GREB1: variants seen among roughly 807,000 people sequenced by gnomAD.
GREB1 encodes the protein protein GREB1.
In GREB1, 106 loss-of-function variants were observed where a neutral mutation model predicts 200.7. That is an observed-to-expected ratio of 0.53 (90% confidence interval 0.45 to 0.62). The LOEUF is 0.62. Among genes scored for constraint, GREB1 ranks in the 20% least tolerant of loss-of-function variants. The pLI, the probability that GREB1 is intolerant of heterozygous loss-of-function variation, is 0.00. For missense variants in GREB1, 2,243 were observed against 2,556.8 expected, an observed-to-expected ratio of 0.88 and a Z score of 2.65; for synonymous variants, 1,132 against 1,092.4, an observed-to-expected ratio of 1.04 and a Z score of -0.72.
chr2:11,573,662 G>C (rs1678542845), intron 4 of GREB1, among the ~76,000 whole-genome samples: 1 of 152,228 alleles, frequency 6.6e-6, no homozygotes, highest in Non-Finnish European at 1.5e-5. Context: ...CAGAAGAGCA[G>C]CTGGGTCTCC....
chr2:11,592,905 C>T lies in GREB1; in HGVS notation c.1475C>T (p.Ala492Val), dbSNP rs530709462. ...PPQPFPPAPS[A>V]AAPVTSAQLP... is the part of the protein sequence containing the mutation. ...CAGCCCTTCCCGCCCGCGCCCAGCG[C>T]CGCGGCACCCGTGACCTCCGCGCAG... Residue 492 changes from alanine to valine, a missense_variant, in exon 11 of 33, where the codon GCC becomes GTC. Transcript: ENST00000381486. The T allele has an allele frequency of 1.8e-5, 28 of 1,589,818 alleles. No individual in the cohort carries two copies. The highest frequency in any genetic ancestry group is 2.3e-5 in the Non-Finnish European group (27 of 1,168,426).
At chr2:11,571,964 G>A (rs1419995345) in intron 4 of GREB1, among the ~76,000 whole-genome samples, 3 of 152,160 alleles carry the variant, frequency 2.0e-5, no homozygotes, top group African/African-American at 2.4e-5. Context: ...GCCTGCCTGC[G>A]CCTCCCAAAG....
intron 17 of GREB1, among the ~76,000 whole-genome samples, chr2:11,607,120 G>A (rs1025017055): frequency 1.8e-4 from 27 of 151,526 alleles, no homozygotes; most frequent in Admixed American, 8.6e-4. Flanking sequence ...TTTTAGGGCC[G>A]TTGCCCAGGC....
chr2:11,508,977 C>T (rs1352783320), intron 1 of GREB1, among the ~76,000 whole-genome samples: 1 of 151,104 alleles, frequency 6.6e-6, no homozygotes, highest in Non-Finnish European at 1.5e-5. Flanking sequence ...CGGGTTCACG[C>T]CATTCTCCTG....
chr2:11,616,866 C>A, intron 21 of GREB1, 146 bp downstream of exon 21: 1 of 627,144 alleles, frequency 1.6e-6, no homozygotes, highest in Non-Finnish European at 2.9e-6. Context: ...AAGTGCTAGA[C>A]TCTCTAGAGA....
upstream of GREB1, among the ~76,000 whole-genome samples, chr2:11,533,695 G>A (rs79680022): frequency 3.8e-3 from 578 of 152,348 alleles, 12 homozygotes; most frequent in East Asian, 0.03. Flanking sequence ...GCAAGCCGGT[G>A]ATGAACGTTT....
intron 30 of GREB1, among the ~76,000 whole-genome samples, chr2:11,636,719 GGGGCAA>G (rs1224603816): frequency 6.6e-6 from 1 of 152,010 alleles, no homozygotes; most frequent in Non-Finnish European, 1.5e-5. Flanking sequence ...TGCCCAGGCA[GGGGCAA>G]GGGCAGGGGT....
intron 16 of GREB1, 109 bp from the exon 17 acceptor site, chr2:11,602,297 C>T (rs752288905): frequency 4.1e-5 from 37 of 906,886 alleles, no homozygotes; most frequent in Non-Finnish European, 6.0e-5. Flanking sequence ...ACAGTGGGCA[C>T]GATTTGGATG....
rs770958241 is a variant in GREB1 at position 11,580,783 on chromosome 2, A to G, written c.852A>G (p.Gln284=). 2 of 1,614,210 alleles carry G rather than the reference A, an allele frequency of 1.2e-6. No homozygotes were observed. Among genetic ancestry groups the G allele is most frequent in the Non-Finnish European group, 1.7e-6 (2 of 1,180,030 alleles). ...VFNGKDSPKC[Q]QLAKNNLLAL... is the part of the protein sequence containing the mutation. ...ACGGCAAAGATTCCCCGAAGTGCCAACAACTGGCAAAGAATAACCTGTTGG... is the reference window on the plus strand; with the variant it reads ...ACGGCAAAGATTCCCCGAAGTGCCAGCAACTGGCAAAGAATAACCTGTTGG... Residue 284 remains glutamine, a synonymous_variant, in exon 7 of 33, where the codon CAA becomes CAG. Coordinates refer to ENST00000381486, the MANE Select transcript of GREB1 (RefSeq NM_014668.4). The surrounding 1 kb of genome is among the most constrained non-coding windows in gnomAD (Gnocchi z 4.5).
intron 10 of GREB1, 149 bp from the exon 11 acceptor site, chr2:11,592,627 C>T (rs976920988): frequency 1.7e-5 from 9 of 530,532 alleles, no homozygotes; most frequent in Non-Finnish European, 2.9e-5. Flanking sequence ...GAGATTGTGG[C>T]GGATTTTATG....
At position 11,627,235 on chromosome 2, in the gene GREB1, A is replaced by T. The variant is rs964824154; in HGVS notation, c.4449+131A>T. 9.2e-6 allele frequency: 7 copies of T among 764,884 alleles called. No individual in the cohort carries two copies. The African/African-American group carries it at 1.3e-4, about 14-fold the overall frequency. 47.4% of individuals were successfully genotyped at this position (764,884 alleles called of 1,614,324 possible). A position where few individuals can be genotyped will look rare whatever the true frequency, so the allele number is the denominator to read the frequency against. ...AGCCCTGGCTTCCTGGTCTGCTTGC[A>T]TCCTCTGTTCCCTTCAATTGTCTGT... On this transcript the variant is annotated intron_variant, in intron 25 of 32. Coordinates refer to ENST00000381486, the MANE Select transcript of GREB1 (RefSeq NM_014668.4).
chr2:11,614,740 T>C (rs995780140), intron 19 of GREB1, among the ~76,000 whole-genome samples: 40 of 152,122 alleles, frequency 2.6e-4, no homozygotes, highest in African/African-American at 9.4e-4. Context: ...ATTTTTTGTA[T>C]TTTTAGTAGA....
upstream of GREB1, among the ~76,000 whole-genome samples, chr2:11,530,933 C>T (rs73189370): frequency 4.2e-3 from 635 of 152,194 alleles, 10 homozygotes; most frequent in African/African-American, 0.015. Flanking sequence ...TTGGTGTTTG[C>T]GGAGCAGACA....
chr2:11,587,511 A>C, intron 9 of GREB1: 1 of 1,584,572 alleles, frequency 6.3e-7, no homozygotes, highest in Non-Finnish European at 8.6e-7. Flanking sequence ...TCTGCATCAG[A>C]AGCCCTGGGT....
intron 17 of GREB1, among the ~76,000 whole-genome samples, chr2:11,608,316 A>G (rs1478129517): frequency 1.3e-5 from 2 of 152,194 alleles, no homozygotes; most frequent in Admixed American, 6.5e-5. Context: ...TATAGTTACA[A>G]TAATTGTTTT....
chr2:11,556,487 T>C lies in GREB1; in HGVS notation c.-128T>C. ...GCTGAGGACAGCCACCCTTTCTTCG[T>C]CTCTGCTGAGCGAAGGCTACACGGC... is the stretch of plus-strand genomic sequence containing the variant. On this transcript the variant is annotated 5_prime_UTR_variant, in exon 2 of 33. Transcript: ENST00000381486. The C allele has an allele frequency of 1.4e-6, 1 of 692,162 alleles. No individual in the cohort carries two copies. Among genetic ancestry groups the C allele is most frequent in the Non-Finnish European group, 2.4e-6 (1 of 418,378 alleles). 42.9% of individuals were successfully genotyped at this position (692,162 alleles called of 1,614,324 possible).
rs370262420 is a variant in GREB1, at chr2:11,588,862, G to C, written c.1276G>C (p.Ala426Pro). 6.2e-7 allele frequency: 1 copy of C among 1,613,952 alleles called. No homozygotes were observed. The highest frequency in any genetic ancestry group is 8.5e-7 in the Non-Finnish European group (1 of 1,179,946). ...CTCACGGGCATACGAGCAGTACGGCGCCTCTGCCATCCAGCCCATCTCCGA... is the reference window on the plus strand; with the variant it reads ...CTCACGGGCATACGAGCAGTACGGCCCCTCTGCCATCCAGCCCATCTCCGA... The part of the protein sequence containing the change: ...SVSRAYEQYG[A>P]SAIQPISEEM... Residue 426 changes from alanine to proline, a missense_variant, in exon 10 of 33, where the codon GCC becomes CCC. Physicochemically the swap from Ala to Pro is conservative, Grantham distance 27. This residue lies in a region of GREB1 where 1,178 missense variants were observed against 1,387.4 expected (regional missense o/e 0.85). Coordinates refer to ENST00000381486, the MANE Select transcript of GREB1 (RefSeq NM_014668.4).
chr2:11,494,147 G>A (rs567341970), intron 1 of GREB1, among the ~76,000 whole-genome samples: 6 of 152,338 alleles, frequency 3.9e-5, no homozygotes, highest in African/African-American at 9.6e-5. Context: ...TAGGGAACCC[G>A]TTTTTGTCTT....
chr2:11,533,136 A>G (rs963848752), upstream of GREB1, among the ~76,000 whole-genome samples: 8 of 152,360 alleles, frequency 5.3e-5, no homozygotes, highest in Admixed American at 5.2e-4. Context: ...TTGGTGCTAC[A>G]AGTTAAGAGG....
Sources: allele counts gnomAD v4.1 joint callset (sites outside exome capture counted in the v4.1 genomes callset), GRCh38; gene constraint gnomAD v4.1.1; regional missense constraint gnomAD v4.1.1; non-coding constraint Gnocchi (gnomAD v3.1); transcripts MANE v1.5; gene names NCBI Gene and HGNC (gene_info 2026-07-23, HGNC 2026-07-21).